The following CNDP1 variants were observed in gnomAD, a reference collection of about 807,000 sequenced individuals.
CNDP1 encodes beta-Ala-His dipeptidase.
Under a neutral mutation model 58.1 loss-of-function variants are expected in CNDP1, and 44 were observed. The observed-to-expected ratio is 0.76, with a 90% confidence interval of 0.60 to 0.97. The LOEUF is 0.97. Ranked by LOEUF, CNDP1 falls within the 50% of genes least tolerant of loss-of-function variation. The pLI, the probability that CNDP1 is intolerant of heterozygous loss-of-function variation, is 0.00. For missense variants in CNDP1, 616 were observed against 655.1 expected (o/e 0.94, Z 0.65); for synonymous variants, 254 against 252.6 (o/e 1.01, Z -0.05).
chr18:74,560,196 A>G (rs1349215536), intron 3 of CNDP1, among the ~76,000 whole-genome samples: 1 of 151,798 alleles, frequency 6.6e-6, no homozygotes. Flanking sequence ...TTGTATTTTT[A>G]TTAGACACAG....
chr18:74,550,742 AT>A (rs34869467), intron 1 of CNDP1, among the ~76,000 whole-genome samples: 73,904 of 145,872 alleles, frequency 0.51, 18,641 homozygotes, highest in Middle Eastern at 0.6. Context: ...ACGCCCGACT[AT>A]TTTTTTTTTT....
intron 1 of CNDP1, among the ~76,000 whole-genome samples, chr18:74,537,010 G>T (rs544635345): frequency 1.3e-5 from 2 of 152,130 alleles, no homozygotes; most frequent in South Asian, 4.2e-4. Flanking sequence ...TAAATTTGTT[G>T]AAGTTCCTCG....
chr18:74,538,964 G>A (rs1327706000), intron 1 of CNDP1, among the ~76,000 whole-genome samples: 1 of 151,974 alleles, frequency 6.6e-6, no homozygotes, highest in African/African-American at 2.4e-5. Flanking sequence ...TGTATCTCTT[G>A]CTCCAAGGTT....
intron 1 of CNDP1, among the ~76,000 whole-genome samples, chr18:74,547,499 G>T (rs1172476435): frequency 6.6e-6 from 1 of 152,184 alleles, no homozygotes; most frequent in Non-Finnish European, 1.5e-5. Flanking sequence ...GCAGAAGTGG[G>T]GTTTTCCCAC....
chr18:74,570,398 T>C (rs2144664827), intron 6 of CNDP1, among the ~76,000 whole-genome samples: 1 of 152,256 alleles, frequency 6.6e-6, no homozygotes, highest in South Asian at 2.1e-4. Context: ...TGGCAGATGC[T>C]GGGCGCTTAG....
At chr18:74,577,865 G>T in intron 8 of CNDP1, 1 of 275,264 alleles carries the variant, frequency 3.6e-6, no homozygotes, top group Non-Finnish European at 6.9e-6. Context: ...CACACTGAAC[G>T]TGCCCGATCT....
chr18:74,554,605 T>C (rs931322723), intron 1 of CNDP1, among the ~76,000 whole-genome samples: 12 of 152,038 alleles, frequency 7.9e-5, no homozygotes, highest in African/African-American at 2.7e-4. Flanking sequence ...GGCAGGAGCA[T>C]GGAGGAAGAT....
At chr18:74,549,030 A>T (rs1980832366) in intron 1 of CNDP1, among the ~76,000 whole-genome samples, 1 of 152,218 alleles carries the variant, frequency 6.6e-6, no homozygotes, top group African/African-American at 2.4e-5. Context: ...GTTGGAATTT[A>T]TATTTAACCC....
chr18:74,568,572 A>G (rs2015142762), intron 6 of CNDP1, among the ~76,000 whole-genome samples: 1 of 152,068 alleles, frequency 6.6e-6, no homozygotes, highest in Admixed American at 6.6e-5. Flanking sequence ...TTGAGAACGA[A>G]GGCACTGAGG....
At chr18:74,543,196 G>T (rs1245070596) in intron 1 of CNDP1, among the ~76,000 whole-genome samples, 1 of 152,170 alleles carries the variant, frequency 6.6e-6, no homozygotes, top group African/African-American at 2.4e-5. Context: ...CTATGAATCA[G>T]GAGCAGACAG....
At chr18:74,534,754 AGCATGTGCG>A in intron 1 of CNDP1, 63 bp downstream of exon 1, 2 of 1,598,094 alleles carry the variant, frequency 1.3e-6, no homozygotes, top group Non-Finnish European at 8.6e-7. Flanking sequence ...TTGTCCCGGG[AGCATGTGCG>A]TTAAGCCCAG....
chr18:74,584,370 A>C (rs1599105589), intron 11 of CNDP1, 126 bp from the exon 12 acceptor site: 2 of 669,520 alleles, frequency 3.0e-6, no homozygotes, highest in Non-Finnish European at 5.3e-6. Flanking sequence ...GGATCTCAGA[A>C]GTATGTTAAA....
intron 6 of CNDP1, among the ~76,000 whole-genome samples, chr18:74,569,852 A>T (rs1314171645): frequency 6.6e-6 from 1 of 152,140 alleles, no homozygotes; most frequent in Admixed American, 6.5e-5. Context: ...TGAATGTTAT[A>T]GACTGAACAT....
At chr18:74,556,596 C>T (rs1981048211) in intron 2 of CNDP1, 130 bp downstream of exon 2, 1 of 1,011,520 alleles carries the variant, frequency 9.9e-7, no homozygotes, top group Non-Finnish European at 1.5e-6. Context: ...CCTATGACTG[C>T]TCATTGGGTT....
chr18:74,559,679 G>A (rs1981137934), intron 3 of CNDP1, among the ~76,000 whole-genome samples: 1 of 152,184 alleles, frequency 6.6e-6, no homozygotes, highest in African/African-American at 2.4e-5. Context: ...GGGAGGGGTT[G>A]GCTCTTAGAA....
At chr18:74,556,316 C>T (rs1465650902) in intron 1 of CNDP1, 22 bp from the exon 2 acceptor site, 3 of 1,604,996 alleles carry the variant, frequency 1.9e-6, no homozygotes, top group Non-Finnish European at 2.5e-6. Context: ...TCATTCGTTC[C>T]TCCCATGTCA....
intron 5 of CNDP1, among the ~76,000 whole-genome samples, chr18:74,563,785 G>T (rs1297669909): frequency 6.6e-6 from 1 of 152,218 alleles, no homozygotes; most frequent in Non-Finnish European, 1.5e-5. Flanking sequence ...ATATTTCACA[G>T]GTAGAGCAGT....
chr18:74,582,477 G>A (rs1981813261), intron 10 of CNDP1, among the ~76,000 whole-genome samples: 1 of 152,194 alleles, frequency 6.6e-6, no homozygotes, highest in Non-Finnish European at 1.5e-5. Context: ...CGATAGTACA[G>A]CTATTGGCAT....
intron 4 of CNDP1, chr18:74,561,442 G>C (rs1192748403): frequency 2.6e-5 from 4 of 154,542 alleles, no homozygotes; most frequent in Non-Finnish European, 5.7e-5. Flanking sequence ...AATGCACAGA[G>C]AGGCGGCTCT....
Sources: gnomAD v4.1 joint callset for allele counts (sites outside exome capture counted in the v4.1 genomes callset) on GRCh38, gnomAD v4.1.1 for gene constraint, MANE v1.5 for transcripts, NCBI Gene and HGNC (gene_info 2026-07-23, HGNC 2026-07-21) for gene names.